The following MAPK4 variants were observed in gnomAD, a reference collection of about 807,000 sequenced individuals.
The protein encoded by MAPK4 is mitogen-activated protein kinase 4, also known as Erk3-related.
A neutral mutation model predicts 47.7 loss-of-function variants in MAPK4; 22 were observed. That is an observed-to-expected ratio of 0.46 (90% CI 0.33 to 0.66). MAPK4 has a LOEUF of 0.66. MAPK4 is among the 30% of genes least tolerant of loss of function. The probability of loss-of-function intolerance (pLI) is 0.02; values close to 1 mark genes in which losing one functional copy is unlikely to be tolerated. For missense variants in MAPK4, 736 were observed against 831.7 expected, an observed-to-expected ratio of 0.88 and a Z score of 1.42; for synonymous variants, 390 against 365.7, an observed-to-expected ratio of 1.07 and a Z score of -0.76.
intron 1 of MAPK4, among the ~76,000 whole-genome samples, chr18:50,607,816 T>C (rs1277289555): frequency 6.6e-6 from 1 of 152,252 alleles, no homozygotes; most frequent in African/African-American, 2.4e-5. Context: ...CTCCCCTTCC[T>C]GGCCTGAATA....
chr18:50,647,686 G>A (rs540195897), intron 1 of MAPK4, among the ~76,000 whole-genome samples: 4 of 152,112 alleles, frequency 2.6e-5, no homozygotes, highest in East Asian at 3.9e-4. Flanking sequence ...TCCACACCTC[G>A]TTCAGCTCCT....
rs144362499 is a variant in MAPK4 at position 50,705,657 on chromosome 18, C to T, written c.547-9422C>T. The T allele has an allele frequency of 8.3e-3, 1,256 of 152,222 alleles. 6 individuals are homozygous for T. Among genetic ancestry groups the T allele is most frequent in the Middle Eastern group, 0.014 (4 of 294 alleles). 9.4% of individuals were successfully genotyped at this position (152,222 alleles called of 1,614,324 possible). On this transcript the variant is annotated intron_variant, in intron 2 of 5. Coordinates refer to ENST00000400384, the MANE Select transcript of MAPK4 (RefSeq NM_002747.4). ...CTAGGAGGGCGGAGAAAGTTTCCACCCTCCTCGGGGGAAGAGGTCGGGGAC... is the reference window on the plus strand; with the variant it reads ...CTAGGAGGGCGGAGAAAGTTTCCACTCTCCTCGGGGGAAGAGGTCGGGGAC...
intron 1 of MAPK4, among the ~76,000 whole-genome samples, chr18:50,658,503 A>G (rs1346834992): frequency 6.6e-6 from 1 of 152,184 alleles, no homozygotes; most frequent in Non-Finnish European, 1.5e-5. Flanking sequence ...GTGTTGTAAG[A>G]CCCAACTGAA....
At chr18:50,673,123 G>A (rs988271990) in intron 2 of MAPK4, among the ~76,000 whole-genome samples, 1 of 151,924 alleles carries the variant, frequency 6.6e-6, no homozygotes, top group African/African-American at 2.4e-5. Context: ...CCAAAAATAC[G>A]AAAATTAGCC....
At position 50,707,692 on chromosome 18, in the gene MAPK4, A is replaced by G. The variant is rs183117825; in HGVS notation, c.547-7387A>G. On this transcript the variant is annotated intron_variant, in intron 2 of 5. Transcript: ENST00000400384. ...CAGTTAAAATGGTGAACTTTATGGT[A>G]TGTGTATTTTATTACAATTAAATTT... 1.4e-3 allele frequency among the ~76,000 whole-genome samples: 208 copies of G among 152,056 alleles called. 2 individuals are homozygous for G. The highest frequency in any genetic ancestry group is 3.8e-4 in the Non-Finnish European group (26 of 67,976).
intron 1 of MAPK4, among the ~76,000 whole-genome samples, chr18:50,577,546 C>T (rs1263786715): frequency 6.6e-6 from 1 of 152,164 alleles, no homozygotes; most frequent in Non-Finnish European, 1.5e-5. Flanking sequence ...GCCAAGATTG[C>T]AATCCCCTGT....
intron 2 of MAPK4, among the ~76,000 whole-genome samples, chr18:50,713,719 T>G (rs1266554918): frequency 6.6e-6 from 1 of 152,214 alleles, no homozygotes; most frequent in Non-Finnish European, 1.5e-5. Context: ...GGTAGCACCA[T>G]GAGTACGGGG....
At chr18:50,697,979 C>T (rs752630892) in intron 2 of MAPK4, among the ~76,000 whole-genome samples, 1 of 152,120 alleles carries the variant, frequency 6.6e-6, no homozygotes, top group Non-Finnish European at 1.5e-5. Context: ...TGTAAGCCTA[C>T]AAAAATCAGC....
chr18:50,662,707 A>T (rs7240766), intron 1 of MAPK4, among the ~76,000 whole-genome samples: 2 of 152,218 alleles, frequency 1.3e-5, no homozygotes, highest in Admixed American at 6.5e-5. Context: ...TCTGCAACTC[A>T]TTGCTTTCTA....
At chr18:50,614,674 C>G (rs1360487079) in intron 1 of MAPK4, among the ~76,000 whole-genome samples, 1 of 152,170 alleles carries the variant, frequency 6.6e-6, no homozygotes, top group African/African-American at 2.4e-5. Flanking sequence ...TCACATGTCA[C>G]ACGTATTATC....
At chr18:50,657,708 G>A (rs1464887623) in intron 1 of MAPK4, among the ~76,000 whole-genome samples, 1 of 151,582 alleles carries the variant, frequency 6.6e-6, no homozygotes, top group East Asian at 1.9e-4. Flanking sequence ...CACAGCTTGG[G>A]GGTGTGACTG....
chr18:50,709,943 T>G (rs984440419), intron 2 of MAPK4, among the ~76,000 whole-genome samples: 1 of 152,048 alleles, frequency 6.6e-6, no homozygotes, highest in Non-Finnish European at 1.5e-5. Flanking sequence ...AGGGATGATC[T>G]GAATCATTTT....
chr18:50,660,871 G>A (rs573775949), intron 1 of MAPK4, among the ~76,000 whole-genome samples: 6 of 152,294 alleles, frequency 3.9e-5, no homozygotes, highest in East Asian at 1.9e-4. Flanking sequence ...CGTTGACATC[G>A]TACCTGGCCC....
chr18:50,610,783 GCTT>G (rs777259000), intron 1 of MAPK4, among the ~76,000 whole-genome samples: 4 of 152,148 alleles, frequency 2.6e-5, no homozygotes, highest in Non-Finnish European at 4.4e-5. Context: ...CCTCTCCTGG[GCTT>G]CTATCACAGC....
At chr18:50,685,558 C>G (rs1308707148) in intron 2 of MAPK4, among the ~76,000 whole-genome samples, 2 of 152,208 alleles carry the variant, frequency 1.3e-5, no homozygotes, top group African/African-American at 4.8e-5. Context: ...GGGGGAGGCA[C>G]CGGGATGGCA....
intron 1 of MAPK4, among the ~76,000 whole-genome samples, chr18:50,607,725 T>C (rs542352649): frequency 2.0e-5 from 3 of 152,322 alleles, no homozygotes; most frequent in South Asian, 4.1e-4. Flanking sequence ...ATTGTCATCT[T>C]TCCATTCTCA....
intron 1 of MAPK4, among the ~76,000 whole-genome samples, chr18:50,575,379 T>C (rs994027334): frequency 2.6e-5 from 4 of 152,220 alleles, no homozygotes; most frequent in African/African-American, 9.6e-5. Context: ...GCAGAACAAA[T>C]GGACTAAGAC....
intron 1 of MAPK4, chr18:50,560,880 G>A (rs1422027330): frequency 1.3e-5 from 2 of 152,266 alleles, no homozygotes; most frequent in African/African-American, 4.8e-5. Flanking sequence ...GCTGGGTCCC[G>A]GGCCGGCTCC....
At chr18:50,621,864 A>G (rs1259443597) in intron 1 of MAPK4, among the ~76,000 whole-genome samples, 1 of 152,264 alleles carries the variant, frequency 6.6e-6, no homozygotes, top group African/African-American at 2.4e-5. Context: ...TTTGGCACTT[A>G]GCATTAGCTA....
Sources: allele counts gnomAD v4.1 joint callset (sites outside exome capture counted in the v4.1 genomes callset), GRCh38; gene constraint gnomAD v4.1.1; transcripts MANE v1.5; gene names NCBI Gene and HGNC (gene_info 2026-07-23, HGNC 2026-07-21).